SCAMP4: variants seen among roughly 807,000 people sequenced by gnomAD.
SCAMP4 encodes the protein secretory carrier-associated membrane protein 4.
Under a neutral mutation model 32.1 loss-of-function variants are expected in SCAMP4, and 19 were observed. That is an observed-to-expected ratio of 0.59 (90% CI 0.41 to 0.87). The LOEUF is 0.87. Ranked by LOEUF, SCAMP4 falls within the 40% of genes least tolerant of loss-of-function variation. The pLI, the probability that SCAMP4 is intolerant of heterozygous loss-of-function variation, is 0.00. For missense variants in SCAMP4, 302 were observed against 309.0 expected, an observed-to-expected ratio of 0.98 and a Z score of 0.17; for synonymous variants, 152 against 132.7, an observed-to-expected ratio of 1.15 and a Z score of -1.00.
rs528813362 is a variant in SCAMP4, at chr19:1,925,207, C to G, written c.*923C>G. 6.6e-6 allele frequency: 1 copy of G among 152,240 alleles called. No individual in the cohort carries two copies. Among genetic ancestry groups the G allele is most frequent in the Non-Finnish European group, 1.5e-5 (1 of 68,130 alleles). The allele number at this position is 152,240 out of a possible 1,614,324, so 9.4% of individuals were successfully genotyped here. On this transcript the variant is annotated 3_prime_UTR_variant, in exon 7 of 7. Transcript: ENST00000316097. Reference sequence around the variant, plus strand: ...CTGCCTCCCGTGTTCAAGCAGTTCTCCTGCCTCAGCCTCCCAAATAGCTGG... The same window carrying G: ...CTGCCTCCCGTGTTCAAGCAGTTCTGCTGCCTCAGCCTCCCAAATAGCTGG...
chr19:1,907,646 G>A (rs748601876), intron 1 of SCAMP4, among the ~76,000 whole-genome samples: 3 of 152,140 alleles, frequency 2.0e-5, no homozygotes, highest in Non-Finnish European at 2.9e-5. Flanking sequence ...TTGTCACCAC[G>A]CAGGGTCTGA....
intron 1 of SCAMP4, chr19:1,912,053 C>G (rs1183947545): frequency 2.1e-6 from 3 of 1,424,522 alleles, no homozygotes; most frequent in Admixed American, 5.7e-5. Flanking sequence ...GCCGGATGAT[C>G]CTCTGCTCCC....
At chr19:1,910,571 G>A (rs2013387387) in intron 1 of SCAMP4, among the ~76,000 whole-genome samples, 1 of 139,462 alleles carries the variant, frequency 7.2e-6, no homozygotes, top group African/African-American at 2.7e-5. Context: ...GGTTTTTGAG[G>A]TGTCTTTTTT....
Position 1,916,595 on chromosome 19 carries a change from A to G in SCAMP4, c.8-1099A>G, listed in dbSNP as rs548358073. Among the ~76,000 whole-genome samples the G allele has an allele frequency of 1.2e-4, 18 of 152,150 alleles. No homozygotes were observed. In the East Asian group the frequency reaches 2.3e-3, roughly 20 times the overall value. On this transcript the variant is annotated intron_variant, in intron 2 of 6. Transcript: ENST00000316097. ...TGCCTCAGCCTCCCGAGAAGCTGGG[A>G]CCACAGGCACGCACCACCACGCTTG...
chr19:1,916,454 TTTG>T (rs2145448336), intron 2 of SCAMP4, among the ~76,000 whole-genome samples: 1 of 152,074 alleles, frequency 6.6e-6, no homozygotes, highest in African/African-American at 2.4e-5. Context: ...CAGATAAATA[TTTG>T]TTGTGTTCTT....
intron 2 of SCAMP4, 22 bp from the exon 3 acceptor site, chr19:1,917,672 C>T (rs200701086): frequency 1.3e-4 from 208 of 1,613,476 alleles, no homozygotes; most frequent in Non-Finnish European, 1.7e-4. Flanking sequence ...TGGTTCTGTC[C>T]GTGGGTTCTC....
chr19:1,918,282 C>T lies in SCAMP4; in HGVS notation c.292C>T (p.Arg98Ter), dbSNP rs542238969. Residue 98 changes from arginine (R) to a stop codon, truncating the protein, a stop_gained and splice_region_variant, in exon 4 of 7, where the codon CGA becomes TGA. Transcript: ENST00000316097. LOFTEE classifies it high-confidence loss of function. ...GTTCCGGCCTGTCTACAAGGCCTTC[C>T]GGTGAGCAGAGCTGCCGGGGGCCGT... ...CWFRPVYKAF[R>*]ADSSFNFMAF... 1.9e-6 allele frequency: 3 copies of T among 1,597,564 alleles called. No individual in the cohort carries two copies. Among genetic ancestry groups the T allele is most frequent in the Non-Finnish European group, 2.6e-6 (3 of 1,175,384 alleles).
rs371177266 is a variant in SCAMP4, at chr19:1,918,876, T to C, written c.294-13T>C. 59 of 1,594,242 alleles carry C rather than the reference T, an allele frequency of 3.7e-5. No homozygotes were observed. In the African/African-American group the frequency reaches 4.4e-4, roughly 12 times the overall value. On this transcript the variant is annotated splice_polypyrimidine_tract_variant and intron_variant, in intron 4 of 6. Transcript: ENST00000316097. ...GGGCTGTGGTAACCGTCGTGTTTTC[T>C]GTCCCTCCCCAGAGCCGACAGCTCC...
intron 1 of SCAMP4, among the ~76,000 whole-genome samples, chr19:1,911,421 C>G (rs1466017520): frequency 6.6e-6 from 1 of 152,168 alleles, no homozygotes; most frequent in Non-Finnish European, 1.5e-5. Flanking sequence ...ATCCCCCCAC[C>G]TCGGCCTCCC....
rs1446426318 is a variant in SCAMP4 at position 1,905,780 on chromosome 19, T to C, written c.-42+341T>C. ...CTTCCGGTGGCCCTTCCTCAGGTCA[T>C]GTCCCGCAGTCCCCTGCCTCTGAAC... On this transcript the variant is annotated intron_variant, in intron 1 of 6. Coordinates refer to ENST00000316097, the MANE Select transcript of SCAMP4 (RefSeq NM_079834.4). The C allele has an allele frequency of 2.6e-5, 4 of 152,398 alleles. No individual in the cohort carries two copies. In the East Asian group the frequency reaches 5.8e-4, roughly 22 times the overall value. The allele number at this position is 152,398 out of a possible 1,614,324, so 9.4% of individuals were successfully genotyped here.
At chr19:1,912,346 C>T (rs759858594) in intron 1 of SCAMP4, 14 of 1,530,614 alleles carry the variant, frequency 9.1e-6, no homozygotes, top group Non-Finnish European at 1.2e-5. Context: ...AGCCGCGATG[C>T]CGGCAGCCCC....
chr19:1,914,604 T>C lies in SCAMP4; in HGVS notation c.-41-375T>C, dbSNP rs1053107487. ...CCCTTTCAGAACGGCCAGGGTGCCA[T>C]GCGGATGCGATGGGGTCTTAGGCCC... On this transcript the variant is annotated intron_variant, in intron 1 of 6. Transcript: ENST00000316097. 1.9e-5 allele frequency: 5 copies of C among 268,818 alleles called. No individual in the cohort carries two copies. The South Asian group carries it at 2.2e-4, about 12-fold the overall frequency. 16.7% of individuals were successfully genotyped at this position (268,818 alleles called of 1,614,324 possible). A position where few individuals can be genotyped will look rare whatever the true frequency, so the allele number is the denominator to read the frequency against.
chr19:1,915,002 C>A lies in SCAMP4; in HGVS notation c.-18C>A. On this transcript the variant is annotated 5_prime_UTR_variant, in exon 2 of 7. The change creates a new upstream start codon in the 5' untranslated region. Coordinates refer to ENST00000316097, the MANE Select transcript of SCAMP4 (RefSeq NM_079834.4). ...AGGCGGCTGCAGGCTTCAGCCTGCG[C>A]TGGTTGGTGAAACAGAGATGTCAGG... 1 of 1,613,846 alleles carries A rather than the reference C, an allele frequency of 6.2e-7. No homozygotes were observed. The highest frequency in any genetic ancestry group is 8.5e-7 in the Non-Finnish European group (1 of 1,179,830).
chr19:1,921,004 C>T, intron 5 of SCAMP4: 1 of 985,432 alleles, frequency 1.0e-6, no homozygotes, highest in Non-Finnish European at 1.2e-6. Context: ...CCGAGGTGGA[C>T]AGAAGGTGAA....
At position 1,924,325 on chromosome 19, in the gene SCAMP4, C is replaced by T; in HGVS notation, c.*41C>T. On this transcript the variant is annotated 3_prime_UTR_variant, in exon 7 of 7. Transcript: ENST00000316097. ...CCCCCACCGCCCACCACCTCCTCCC[C>T]TTCATTCCTGCTGCTACCCCTGGTC... is the stretch of plus-strand genomic sequence containing the variant. 2 of 1,529,188 alleles carry T rather than the reference C, an allele frequency of 1.3e-6. No individual in the cohort carries two copies. Among genetic ancestry groups the T allele is most frequent in the South Asian group, 1.2e-5 (1 of 84,134 alleles). The allele number at this position is 1,529,188 out of a possible 1,614,324, so 94.7% of individuals were successfully genotyped here. A position where few individuals can be genotyped will look rare whatever the true frequency, so the allele number is the denominator to read the frequency against.
chr19:1,909,785 C>T (rs1185513877), intron 1 of SCAMP4, among the ~76,000 whole-genome samples: 1 of 152,206 alleles, frequency 6.6e-6, no homozygotes, highest in African/African-American at 2.4e-5. Flanking sequence ...TAAGCAGGGA[C>T]ACCCCAGTGG....
At chr19:1,921,504 T>C in intron 5 of SCAMP4, 1 of 985,376 alleles carries the variant, frequency 1.0e-6, no homozygotes, top group Non-Finnish European at 1.2e-6. Context: ...CCGCAGCCTC[T>C]AAGCGGAGCA....
intron 1 of SCAMP4, chr19:1,913,097 G>A (rs763601329): frequency 6.3e-7 from 1 of 1,597,448 alleles, no homozygotes; most frequent in Non-Finnish European, 8.5e-7. Context: ...ACCGCTTCCA[G>A]GTGTTCCGCG....
At chr19:1,912,461 A>T in intron 1 of SCAMP4, 13 of 1,504,918 alleles carry the variant, frequency 8.6e-6, no homozygotes, top group Non-Finnish European at 1.1e-5. Context: ...GCCTGGGGCA[A>T]CCCTTCCTGG....
Sources: allele counts gnomAD v4.1 joint callset (sites outside exome capture counted in the v4.1 genomes callset), GRCh38; gene constraint gnomAD v4.1.1; transcripts MANE v1.5; gene names NCBI Gene and HGNC (gene_info 2026-07-23, HGNC 2026-07-21).